Variants in LHFPL3 observed in about 807,000 individuals in gnomAD.
The protein encoded by LHFPL3 is LHFPL tetraspan subfamily member 3.
LHFPL3 carries 5 observed loss-of-function variants against 19.3 expected under a neutral mutation model. The observed-to-expected ratio is 0.26, with a 90% CI of 0.14 to 0.54. The LOEUF (loss-of-function observed/expected upper bound fraction) is 0.54. Ranked by LOEUF, LHFPL3 falls within the 20% of genes least tolerant of loss-of-function variation. LHFPL3 has a pLI of 0.94. For missense variants in LHFPL3, 249 were observed against 307.4 expected (o/e 0.81, Z 1.42); for synonymous variants, 133 against 126.2 (o/e 1.05, Z -0.36).
At chr7:104,590,700 G>A (rs1402792742) in intron 1 of LHFPL3, among the ~76,000 whole-genome samples, 7 of 152,142 alleles carry the variant, frequency 4.6e-5, no homozygotes, top group African/African-American at 1.7e-4. Flanking sequence ...TCTGTCTAAT[G>A]TTGACAGTGG....
chr7:104,522,667 T>G (rs1349742092), intron 1 of LHFPL3, among the ~76,000 whole-genome samples: 1 of 152,152 alleles, frequency 6.6e-6, no homozygotes, highest in East Asian at 1.9e-4. Context: ...GATTTGTTCT[T>G]AAAGAAATGA....
intron 2 of LHFPL3, among the ~76,000 whole-genome samples, chr7:104,872,526 T>C (rs1791856520): frequency 6.6e-6 from 1 of 151,678 alleles, no homozygotes; most frequent in African/African-American, 2.4e-5. Flanking sequence ...AGGCCTGTAA[T>C]CCCAGCTACT....
chr7:104,771,816 CTTTTTTTTT>C (rs71155523), intron 2 of LHFPL3, among the ~76,000 whole-genome samples: 3 of 75,410 alleles, frequency 4.0e-5, no homozygotes, highest in Admixed American at 2.1e-4. Context: ...TTTTGCCTCT[CTTTTTTTTT>C]TTTTTTTTTT....
rs375749943 is a variant in LHFPL3 at position 104,487,972 on chromosome 7, T to C, written c.445+158748T>C. The stretch of plus-strand genomic sequence containing the variant: ...GCCAAGAGAGGCTCCTTCTTGTAAA[T>C]ACAGCTTGTCTCCATGAATGGTCAT... On this transcript the variant is annotated intron_variant, in intron 1 of 2. Coordinates refer to ENST00000424859, the MANE Select transcript of LHFPL3 (RefSeq NM_199000.3). Among the ~76,000 whole-genome samples the C allele has an allele frequency of 2.1e-4, 32 of 152,318 alleles. No individual in the cohort carries two copies. The East Asian group carries it at 4.1e-3, about 19-fold the overall frequency.
At chr7:104,474,692 A>G (rs2115630622) in intron 1 of LHFPL3, among the ~76,000 whole-genome samples, 1 of 150,696 alleles carries the variant, frequency 6.6e-6, no homozygotes, top group African/African-American at 2.4e-5. Context: ...AACAACAAAA[A>G]AAAAAAAAAA....
At chr7:104,545,928 A>G (rs1794572814) in intron 1 of LHFPL3, among the ~76,000 whole-genome samples, 2 of 152,156 alleles carry the variant, frequency 1.3e-5, no homozygotes. Context: ...ATAGAGATGC[A>G]TTTTCCCTTT....
At chr7:104,616,601 CA>C (rs1451438866) in intron 1 of LHFPL3, among the ~76,000 whole-genome samples, 2 of 152,076 alleles carry the variant, frequency 1.3e-5, no homozygotes, top group African/African-American at 4.8e-5. Flanking sequence ...ACTAAAACAC[CA>C]AAAGCAATGG....
chr7:104,651,095 G>T (rs1400354719), intron 1 of LHFPL3, among the ~76,000 whole-genome samples: 1 of 152,182 alleles, frequency 6.6e-6, no homozygotes, highest in Admixed American at 6.5e-5. Flanking sequence ...GCTGCATGGG[G>T]TATGGAACGA....
intron 2 of LHFPL3, among the ~76,000 whole-genome samples, chr7:104,797,762 A>T (rs1262352813): frequency 6.6e-6 from 1 of 151,796 alleles, no homozygotes; most frequent in Non-Finnish European, 1.5e-5. Context: ...AAAAAAAAAA[A>T]AAAATTAGCT....
chr7:104,757,963 C>T (rs1794314048), intron 2 of LHFPL3, among the ~76,000 whole-genome samples: 1 of 152,144 alleles, frequency 6.6e-6, no homozygotes, highest in Non-Finnish European at 1.5e-5. Context: ...AGGTGCCTGT[C>T]AGCAGTGAAT....
chr7:104,796,073 G>T (rs1017850278), intron 2 of LHFPL3, among the ~76,000 whole-genome samples: 1 of 152,130 alleles, frequency 6.6e-6, no homozygotes, highest in African/African-American at 2.4e-5. Context: ...TTCAGCTCAC[G>T]TATGGGATGT....
chr7:104,529,590 GAAAT>G (rs1794255691), intron 1 of LHFPL3, among the ~76,000 whole-genome samples: 1 of 152,174 alleles, frequency 6.6e-6, no homozygotes, highest in Non-Finnish European at 1.5e-5. Context: ...TTCAGTGAAA[GAAAT>G]AGTCAGCTGG....
intron 1 of LHFPL3, among the ~76,000 whole-genome samples, chr7:104,510,444 G>A (rs1479238858): frequency 2.6e-5 from 4 of 152,052 alleles, no homozygotes; most frequent in African/African-American, 4.8e-5. Context: ...GTATTTTAAC[G>A]GATGGGCTTT....
In LHFPL3 at chr7:104,438,513, G is replaced by T. The variant is rs57235162; in HGVS notation, c.445+109289G>T. Among the ~76,000 whole-genome samples, 408 of 152,242 alleles carry T rather than the reference G, an allele frequency of 2.7e-3. 1 individual carries two copies. The highest frequency in any genetic ancestry group is 9.3e-3 in the African/African-American group (385 of 41,554). On this transcript the variant is annotated intron_variant, in intron 1 of 2. Transcript: ENST00000424859. ...TGTTATTGAGGTTTAATTTGTGCATGAGTGAAATTTTAAAATATTTTAAAC... is the reference window on the plus strand; with the variant it reads ...TGTTATTGAGGTTTAATTTGTGCATTAGTGAAATTTTAAAATATTTTAAAC...
chr7:104,414,446 G>A (rs909068050), intron 1 of LHFPL3, among the ~76,000 whole-genome samples: 2 of 152,170 alleles, frequency 1.3e-5, no homozygotes, highest in Non-Finnish European at 2.9e-5. Context: ...TCAGTATTCT[G>A]AGCAACACGT....
chr7:104,625,656 G>T (rs1791529754), intron 1 of LHFPL3, among the ~76,000 whole-genome samples: 1 of 152,030 alleles, frequency 6.6e-6, no homozygotes, highest in Admixed American at 6.5e-5. Context: ...ATGCCTATTT[G>T]TGAAGCAAAC....
At chr7:104,722,696 G>A (rs1319666547) in intron 1 of LHFPL3, among the ~76,000 whole-genome samples, 1 of 152,182 alleles carries the variant, frequency 6.6e-6, no homozygotes, top group Admixed American at 6.5e-5. Context: ...GGTGTTAAGA[G>A]TGACAATCCT....
At chr7:104,421,144 C>T (rs909197347) in intron 1 of LHFPL3, among the ~76,000 whole-genome samples, 4 of 152,052 alleles carry the variant, frequency 2.6e-5, no homozygotes, top group African/African-American at 9.7e-5. Context: ...GAAGTAAGAT[C>T]CTGGAGGTGT....
chr7:104,752,468 C>G (rs888866988), intron 2 of LHFPL3, among the ~76,000 whole-genome samples: 5 of 145,018 alleles, frequency 3.4e-5, no homozygotes, highest in Admixed American at 1.4e-4. Flanking sequence ...ACCCTTCCTA[C>G]CTGCTTGTTT....
Sources: allele counts gnomAD v4.1 joint callset (sites outside exome capture counted in the v4.1 genomes callset), GRCh38; gene constraint gnomAD v4.1.1; transcripts MANE v1.5; gene names NCBI Gene and HGNC (gene_info 2026-07-23, HGNC 2026-07-21).